The following SEPTIN14 variants were observed in gnomAD, a reference collection of about 807,000 sequenced individuals.
The protein encoded by SEPTIN14 is septin 14.
In SEPTIN14, 40 loss-of-function variants were observed where a neutral mutation model predicts 53.6. That is an observed-to-expected ratio of 0.75 (90% confidence interval 0.58 to 0.97). The LOEUF is 0.97. SEPTIN14 is among the 50% of genes least tolerant of loss of function. The pLI is 0.00. For missense variants in SEPTIN14, 471 were observed against 508.2 expected (o/e 0.93, Z 0.70); for synonymous variants, 138 against 166.8 (o/e 0.83, Z 1.33).
rs182480977 is a variant in SEPTIN14, at chr7:55,815,120, C to T, written c.817+4007G>A. ...GAAGAAAGAAACTAGACTTTTATCTCTCAACACATATAAAAATCAAATCAA... is the reference window on the plus strand; with the variant it reads ...GAAGAAAGAAACTAGACTTTTATCTTTCAACACATATAAAAATCAAATCAA... On this transcript the variant is annotated intron_variant, in intron 7 of 9. Transcript: ENST00000388975. Among the ~76,000 whole-genome samples, 13 of 152,210 alleles carry T rather than the reference C, an allele frequency of 8.5e-5. 1 individual carries two copies. The South Asian group carries it at 2.5e-3, about 29-fold the overall frequency.
chr7:55,816,181 G>A (rs1469158685), intron 7 of SEPTIN14, among the ~76,000 whole-genome samples: 2 of 152,114 alleles, frequency 1.3e-5, no homozygotes, highest in African/African-American at 4.8e-5. Context: ...AGAGTGGAAT[G>A]TTGATTACCA....
At position 55,817,766 on chromosome 7, in the gene SEPTIN14, G is replaced by A. The variant is rs1325215965; in HGVS notation, c.817+1361C>T. ...ATTACAGGCGTGAGCCACTGCGCCC[G>A]GCCAATATTTTATATTCTTGAAAAT... On this transcript the variant is annotated intron_variant, in intron 7 of 9. Coordinates refer to ENST00000388975, the MANE Select transcript of SEPTIN14 (RefSeq NM_207366.3). Among the ~76,000 whole-genome samples, 9 of 151,874 alleles carry A rather than the reference G, an allele frequency of 5.9e-5. No homozygotes were observed. The East Asian group carries it at 1.4e-3, about 23-fold the overall frequency.
chr7:55,821,087 G>C (rs1256830501), intron 6 of SEPTIN14, among the ~76,000 whole-genome samples: 3 of 151,980 alleles, frequency 2.0e-5, no homozygotes, highest in African/African-American at 7.3e-5. Context: ...CACAGCATTC[G>C]CATCCAACCC....
intron 2 of SEPTIN14, among the ~76,000 whole-genome samples, chr7:55,849,739 C>A (rs187204558): frequency 2.6e-5 from 4 of 151,922 alleles, no homozygotes; most frequent in African/African-American, 9.7e-5. Context: ...GAGCAAGACT[C>A]CATCTCAAAA....
At chr7:55,799,281 G>A (rs147089761) in intron 9 of SEPTIN14, among the ~76,000 whole-genome samples, 5,497 of 151,276 alleles carry the variant, frequency 0.036, 136 homozygotes, top group South Asian at 0.057. Flanking sequence ...CAAGGCAAAT[G>A]GATCACTTGA....
chr7:55,803,030 C>T (rs767697227), intron 9 of SEPTIN14, among the ~76,000 whole-genome samples: 2 of 151,926 alleles, frequency 1.3e-5, no homozygotes, highest in Non-Finnish European at 2.9e-5. Context: ...CTCTACCTCC[C>T]GGGTTCAAGT....
chr7:55,845,884 C>T (rs1423395379), intron 3 of SEPTIN14, among the ~76,000 whole-genome samples: 1 of 149,274 alleles, frequency 6.7e-6, no homozygotes, highest in Non-Finnish European at 1.5e-5. Context: ...CCCGTCTGTA[C>T]TAAAAATACA....
chr7:55,808,369 T>C (rs1788642443), intron 7 of SEPTIN14, among the ~76,000 whole-genome samples: 1 of 152,212 alleles, frequency 6.6e-6, no homozygotes, highest in Non-Finnish European at 1.5e-5. Context: ...GTGGTACTGC[T>C]GGATCATACA....
At chr7:55,801,405 A>G (rs921059689) in intron 9 of SEPTIN14, among the ~76,000 whole-genome samples, 2 of 152,152 alleles carry the variant, frequency 1.3e-5, no homozygotes, top group African/African-American at 4.8e-5. Context: ...CTACTATGAA[A>G]AATTATAAGC....
Position 55,795,094 on chromosome 7 carries a change from C to T in SEPTIN14, c.*819G>A, listed in dbSNP as rs1244438401. On this transcript the variant is annotated 3_prime_UTR_variant, in exon 10 of 10. Coordinates refer to ENST00000388975, the MANE Select transcript of SEPTIN14 (RefSeq NM_207366.3). Reference sequence around the variant, plus strand: ...AGTCTGACACAAAAGCATGGGAGTTCTTATCAAATTCCAACCTTTTATCAT... The same window carrying T: ...AGTCTGACACAAAAGCATGGGAGTTTTTATCAAATTCCAACCTTTTATCAT... 1 of 152,162 alleles carries T rather than the reference C, an allele frequency of 6.6e-6. No homozygotes were observed. The highest frequency in any genetic ancestry group is 6.5e-5 in the Admixed American group (1 of 15,272). The allele number at this position is 152,162 out of a possible 1,614,324, so 9.4% of individuals were successfully genotyped here. A position where few individuals can be genotyped will look rare whatever the true frequency, so the allele number is the denominator to read the frequency against.
At chr7:55,798,740 C>A in intron 9 of SEPTIN14, 1 of 213,254 alleles carries the variant, frequency 4.7e-6, no homozygotes, top group Non-Finnish European at 9.7e-6. Flanking sequence ...GTGGTACACT[C>A]TGGGGCCCAA....
At chr7:55,804,353 G>T (rs1788579892) in intron 9 of SEPTIN14, among the ~76,000 whole-genome samples, 2 of 151,202 alleles carry the variant, frequency 1.3e-5, no homozygotes, top group Admixed American at 6.6e-5. Flanking sequence ...CCACCTACTG[G>T]GTTCAAGCGA....
intron 7 of SEPTIN14, among the ~76,000 whole-genome samples, chr7:55,807,834 C>A (rs1370712969): frequency 6.6e-6 from 1 of 151,934 alleles, no homozygotes; most frequent in Non-Finnish European, 1.5e-5. Flanking sequence ...CAATTAGAAA[C>A]TAAAAGAGAA....
chr7:55,861,439 T>C (rs4448223), intron 2 of SEPTIN14, among the ~76,000 whole-genome samples: 31,730 of 151,060 alleles, frequency 0.21, 3,818 homozygotes, highest in Middle Eastern at 0.31. Flanking sequence ...GAGGCAGAGG[T>C]TGCAGTGAGC....
At chr7:55,831,042 T>C (rs1789100790) in intron 6 of SEPTIN14, among the ~76,000 whole-genome samples, 1 of 152,138 alleles carries the variant, frequency 6.6e-6, no homozygotes. Flanking sequence ...TATCATTTTT[T>C]CACAGAATTA....
intron 6 of SEPTIN14, among the ~76,000 whole-genome samples, chr7:55,820,941 A>T (rs996193568): frequency 1.3e-5 from 2 of 152,180 alleles, no homozygotes; most frequent in African/African-American, 4.8e-5. Flanking sequence ...ACTCTGTCTC[A>T]AAAGAAAAAA....
intron 6 of SEPTIN14, among the ~76,000 whole-genome samples, chr7:55,821,305 C>T (rs1788890269): frequency 6.6e-6 from 1 of 152,174 alleles, no homozygotes; most frequent in Non-Finnish European, 1.5e-5. Flanking sequence ...CAGACTGGTG[C>T]TCCTCCTCAC....
At chr7:55,842,458 T>C (rs984608722) in intron 5 of SEPTIN14, among the ~76,000 whole-genome samples, 1 of 151,496 alleles carries the variant, frequency 6.6e-6, no homozygotes, top group African/African-American at 2.4e-5. Context: ...ATACAAAAAT[T>C]AGCCAATCTT....
At chr7:55,828,150 A>C (rs1291729238) in intron 6 of SEPTIN14, among the ~76,000 whole-genome samples, 3 of 152,160 alleles carry the variant, frequency 2.0e-5, no homozygotes, top group African/African-American at 7.2e-5. Flanking sequence ...ATTATAAGGA[A>C]GTTCAATGAG....
Sources: gnomAD v4.1 joint callset for allele counts (sites outside exome capture counted in the v4.1 genomes callset) on GRCh38, gnomAD v4.1.1 for gene constraint, MANE v1.5 for transcripts, NCBI Gene and HGNC (gene_info 2026-07-23, HGNC 2026-07-21) for gene names.